The following SFTPD variants were observed in gnomAD, a reference collection of about 807,000 sequenced individuals.
SFTPD encodes the protein surfactant protein D.
In SFTPD, 18 loss-of-function variants were observed where a neutral mutation model predicts 34.6. The observed-to-expected ratio is 0.52, with a 90% CI of 0.36 to 0.77. The LOEUF is 0.77. SFTPD is among the 30% of genes least tolerant of loss of function. SFTPD has a pLI of 0.00. For missense variants in SFTPD, 433 were observed against 468.9 expected, an observed-to-expected ratio of 0.92 and a Z score of 0.71; for synonymous variants, 155 against 180.9, an observed-to-expected ratio of 0.86 and a Z score of 1.15.
At chr10:79,965,546 T>TA (rs1564534475) in intron 1 of SFTPD, among the ~76,000 whole-genome samples, 1 of 123,166 alleles carries the variant, frequency 8.1e-6, no homozygotes, top group African/African-American at 3.4e-5. Flanking sequence ...TTTCTTTTTT[T>TA]TTTTTTAATT....
chr10:79,946,541 C>A lies in SFTPD; in HGVS notation c.119G>T (p.Cys40Phe), dbSNP rs1273316759. ...AGGCAGGCCACTCTCCACTGAGCTA[C>A]ACATGACCAGGGTGCAAGCACTGGG... ...TMPSACTLVM[C>F]SSVESGLPGR... Residue 40 changes from cysteine to phenylalanine, a missense_variant, in exon 2 of 8, where the codon TGT (cysteine) becomes TTT (phenylalanine). Physicochemically the swap from Cys to Phe is radical, Grantham distance 205 (BLOSUM62 -2). Transcript: ENST00000372292. The A allele has an allele frequency of 6.2e-7, 1 of 1,614,220 alleles. No homozygotes were observed. The highest frequency in any genetic ancestry group is 1.7e-5 in the Admixed American group (1 of 60,032).
intron 1 of SFTPD, among the ~76,000 whole-genome samples, chr10:79,962,080 G>A (rs1842776607): frequency 7.0e-6 from 1 of 142,324 alleles, no homozygotes; most frequent in Non-Finnish European, 1.5e-5. Context: ...TCACTCATAG[G>A]TGGGAATTGA....
At chr10:79,947,172 A>G (rs1316702357) in intron 1 of SFTPD, among the ~76,000 whole-genome samples, 3 of 152,242 alleles carry the variant, frequency 2.0e-5, no homozygotes, top group Non-Finnish European at 4.4e-5. Flanking sequence ...TGCTGGTCTG[A>G]AAATGCAGCC....
At chr10:79,939,210 C>T (rs1271713655) in intron 7 of SFTPD, among the ~76,000 whole-genome samples, 2 of 152,330 alleles carry the variant, frequency 1.3e-5, no homozygotes, top group Non-Finnish European at 2.9e-5. Context: ...TCTTTTTAGT[C>T]TGTCTTTGTG....
In SFTPD at chr10:79,937,954, G is replaced by A. The variant is rs1842572728; in HGVS notation, c.1026C>T (p.Pro342=). ...LVYSNWAPGE[P]NDDGGSEDCV... ...AGTCCTCTGACCCGCCATCATCGTTGGGCTCCCCTGGGGCCCAGTTGGAAT... is the reference window on the plus strand; with the variant it reads ...AGTCCTCTGACCCGCCATCATCGTTAGGCTCCCCTGGGGCCCAGTTGGAAT... Residue 342 remains proline, a synonymous_variant, in exon 8 of 8, where the codon CCC becomes CCT. Transcript: ENST00000372292. 6.2e-7 allele frequency: 1 copy of A among 1,613,068 alleles called. No individual in the cohort carries two copies. Among genetic ancestry groups the A allele is most frequent in the Admixed American group, 1.7e-5 (1 of 59,936 alleles).
chr10:79,946,908 G>A (rs540470039), intron 1 of SFTPD, among the ~76,000 whole-genome samples: 1 of 152,302 alleles, frequency 6.6e-6, no homozygotes, highest in South Asian at 2.1e-4. Flanking sequence ...CCATTCCCAG[G>A]TGCTCATGTC....
At chr10:79,952,667 G>A (rs1589338134), upstream of SFTPD, among the ~76,000 whole-genome samples, 2 of 152,166 alleles carry the variant, frequency 1.3e-5, no homozygotes, top group South Asian at 4.1e-4. Context: ...CAGTCTAAGT[G>A]GGTTCTGGGG....
At chr10:79,941,833 T>G in intron 5 of SFTPD, 121 bp downstream of exon 5, 1 of 738,958 alleles carries the variant, frequency 1.4e-6, no homozygotes, top group South Asian at 1.6e-5. Flanking sequence ...ACAGATTCTC[T>G]CCATGTTCCA....
chr10:79,952,829 C>A (rs1266026092), upstream of SFTPD, among the ~76,000 whole-genome samples: 3 of 152,166 alleles, frequency 2.0e-5, no homozygotes, highest in Non-Finnish European at 2.9e-5. Context: ...GCTGGCCACC[C>A]AATGCTCTGC....
chr10:79,976,309 C>T (rs1842864131), intron 1 of SFTPD, among the ~76,000 whole-genome samples: 2 of 152,162 alleles, frequency 1.3e-5, no homozygotes, highest in African/African-American at 2.4e-5. Flanking sequence ...TGGTCCTGGT[C>T]AGCCAGCCCA....
rs1842620200 is a variant in SFTPD at position 79,942,200 on chromosome 10, C to G, written c.434-130G>C. The stretch of plus-strand genomic sequence containing the variant: ...GAAGTGGGGAGACTCTCCTTGCTTT[C>G]TGGGGCTCCTCTGTGGAGGGTGAGA... On this transcript the variant is annotated intron_variant, in intron 4 of 7. Coordinates refer to ENST00000372292, the MANE Select transcript of SFTPD (RefSeq NM_003019.5). The G allele has an allele frequency of 6.5e-6, 5 of 770,760 alleles. No individual in the cohort carries two copies. The East Asian group carries it at 1.2e-4, about 19-fold the overall frequency. 47.7% of individuals were successfully genotyped at this position (770,760 alleles called of 1,614,324 possible). A position where few individuals can be genotyped will look rare whatever the true frequency, so the allele number is the denominator to read the frequency against.
intron 1 of SFTPD, chr10:79,971,870 T>C (rs1842836726): frequency 1.3e-5 from 2 of 152,228 alleles, no homozygotes; most frequent in Admixed American, 1.3e-4. Flanking sequence ...TGTACCTGGA[T>C]GTCTATATCT....
chr10:79,970,388 AT>A (rs1274968300), intron 1 of SFTPD: 1 of 151,976 alleles, frequency 6.6e-6, no homozygotes, highest in Non-Finnish European at 1.5e-5. Context: ...TTTTAGGATT[AT>A]TTTTTCTACT....
chr10:79,943,136 C>T lies in SFTPD; in HGVS notation c.200-257G>A, dbSNP rs534881277. 2.6e-5 allele frequency among the ~76,000 whole-genome samples: 4 copies of T among 152,218 alleles called. No individual in the cohort carries two copies. In the East Asian group the frequency reaches 7.7e-4, roughly 29 times the overall value. On this transcript the variant is annotated intron_variant, in intron 2 of 7. Coordinates refer to ENST00000372292, the MANE Select transcript of SFTPD (RefSeq NM_003019.5). Reference sequence around the variant, plus strand: ...CTTCTATGCGGTGCTCCTTCCCCTACCCCAAGGCCACTGTATTGATGGCAG... The same window carrying T: ...CTTCTATGCGGTGCTCCTTCCCCTATCCCAAGGCCACTGTATTGATGGCAG...
chr10:79,972,694 T>C (rs1450468839), intron 1 of SFTPD: 3 of 152,178 alleles, frequency 2.0e-5, no homozygotes, highest in Non-Finnish European at 4.4e-5. Context: ...AACATTTTCA[T>C]GGCAAATATG....
intron 1 of SFTPD, among the ~76,000 whole-genome samples, chr10:79,957,673 ATT>A (rs1842747976): frequency 6.6e-6 from 1 of 152,226 alleles, no homozygotes; most frequent in South Asian, 2.1e-4. Context: ...TCTATGTCTG[ATT>A]GGTGTACCTG....
At chr10:79,970,193 T>A (rs1436954523) in intron 1 of SFTPD, 1 of 152,232 alleles carries the variant, frequency 6.6e-6, no homozygotes, top group African/African-American at 2.4e-5. Flanking sequence ...TGAGAATGCA[T>A]GAATTTATTT....
chr10:79,968,913 G>T (rs1183061793), intron 1 of SFTPD: 2 of 152,012 alleles, frequency 1.3e-5, no homozygotes. Flanking sequence ...GCATTTATCT[G>T]ATGATTAGTG....
rs572873087 is a variant in SFTPD at position 79,938,221 on chromosome 10, G to T, written c.759C>A (p.Leu253=). Residue 253 remains leucine (L), a synonymous_variant, in exon 8 of 8, where the codon CTC becomes CTA. Transcript: ENST00000372292. ...AAFSQYKKVE[L]FPNGQSVGEK... is the part of the protein sequence containing the mutation. Reference sequence around the variant, plus strand: ...CCCCGACACTTTGGCCATTTGGGAAGAGCTCAACTAGGAGAAGAAGAAAGT... The same window carrying T: ...CCCCGACACTTTGGCCATTTGGGAATAGCTCAACTAGGAGAAGAAGAAAGT... 2 of 1,591,926 alleles carry T rather than the reference G, an allele frequency of 1.3e-6. No homozygotes were observed. Among genetic ancestry groups the T allele is most frequent in the African/African-American group, 2.7e-5 (2 of 73,638 alleles).
Sources: gnomAD v4.1 joint callset for allele counts (sites outside exome capture counted in the v4.1 genomes callset) on GRCh38, gnomAD v4.1.1 for gene constraint, MANE v1.5 for transcripts, NCBI Gene and HGNC (gene_info 2026-07-23, HGNC 2026-07-21) for gene names.